NHSL1: variants seen among roughly 807,000 people sequenced by gnomAD.
The protein encoded by NHSL1 is NHS-like protein 1.
In NHSL1, 48 loss-of-function variants were observed where a neutral mutation model predicts 95.0. The observed-to-expected ratio is 0.51, with a 90% confidence interval of 0.40 to 0.64. The LOEUF is 0.64. Ranked by LOEUF, NHSL1 falls within the 30% of genes least tolerant of loss-of-function variation. The pLI is 0.00. For missense variants in NHSL1, 1,971 were observed against 2,077.7 expected (o/e 0.95, Z 1.00); for synonymous variants, 783 against 833.9 (o/e 0.94, Z 1.05).
intron 1 of NHSL1, among the ~76,000 whole-genome samples, chr6:138,657,698 C>G (rs941198600): frequency 2.6e-5 from 4 of 150,972 alleles, no homozygotes; most frequent in Admixed American, 2.0e-4. Flanking sequence ...GCCTGTGGTC[C>G]CAGCTACTCG....
At chr6:138,558,985 G>T (rs1024357737) in intron 1 of NHSL1, among the ~76,000 whole-genome samples, 1 of 151,904 alleles carries the variant, frequency 6.6e-6, no homozygotes, top group Non-Finnish European at 1.5e-5. Context: ...TAGAGTTCAG[G>T]TTACAATAAC....
At chr6:138,618,247 G>A (rs563125530) in intron 1 of NHSL1, among the ~76,000 whole-genome samples, 4 of 152,184 alleles carry the variant, frequency 2.6e-5, no homozygotes, top group African/African-American at 9.6e-5. Context: ...ATAGCTACAC[G>A]CCCAGGCCCC....
chr6:138,566,719 T>C (rs1287538575), intron 1 of NHSL1, among the ~76,000 whole-genome samples: 1 of 148,736 alleles, frequency 6.7e-6, no homozygotes, highest in Non-Finnish European at 1.5e-5. Flanking sequence ...AATTTGCAAA[T>C]AAAGACATAT....
intron 2 of NHSL1, among the ~76,000 whole-genome samples, chr6:138,488,325 C>A (rs191681401): frequency 6.6e-6 from 1 of 152,120 alleles, no homozygotes; most frequent in Non-Finnish European, 1.5e-5. Flanking sequence ...CTGACCTTCA[C>A]CTTTTGCATA....
chr6:138,559,443 G>A (rs554510907), intron 1 of NHSL1, among the ~76,000 whole-genome samples: 26 of 152,338 alleles, frequency 1.7e-4, no homozygotes, highest in African/African-American at 3.4e-4. Flanking sequence ...GACTAGGGGC[G>A]CAGAGGGGAA....
exon 1 of NHSL1, chr6:138,572,162 G>C (rs547727350): frequency 2.8e-5 from 12 of 428,598 alleles, no homozygotes; most frequent in African/African-American, 6.1e-5. Context: ...CTAGATCCGC[G>C]ATATCCACGG....
chr6:138,600,996 T>C (rs1456242484), intron 1 of NHSL1, among the ~76,000 whole-genome samples: 2 of 152,252 alleles, frequency 1.3e-5, no homozygotes, highest in African/African-American at 2.4e-5. Flanking sequence ...ATAATGATTA[T>C]GAAAGCATTA....
intron 1 of NHSL1, among the ~76,000 whole-genome samples, chr6:138,543,891 C>T (rs1266940451): frequency 1.3e-5 from 2 of 152,092 alleles, no homozygotes; most frequent in Non-Finnish European, 2.9e-5. Context: ...TAAAAGGGTG[C>T]GATTGTGGAT....
rs1783838411 is a variant in NHSL1, at chr6:138,571,528, G to A, written c.202+182C>T. On this transcript the variant is annotated intron_variant, in intron 1 of 6. Coordinates refer to the NHSL1 transcript ENST00000427025. ...TGAATGATACAAGATACAAGCTCAA[G>A]CTGAGGAAGAGCATTTTTATTTTAG... 3 of 616,576 alleles carry A rather than the reference G, an allele frequency of 4.9e-6. No homozygotes were observed. The East Asian group carries it at 8.3e-5, about 17-fold the overall frequency. The allele number at this position is 616,576 out of a possible 1,614,324, so 38.2% of individuals were successfully genotyped here.
intron 2 of NHSL1, among the ~76,000 whole-genome samples, chr6:138,474,966 T>C (rs1247086429): frequency 6.6e-6 from 1 of 152,032 alleles, no homozygotes; most frequent in East Asian, 1.9e-4. Context: ...CTGACCAACA[T>C]AGAGAAACCC....
chr6:138,499,629 C>G (rs1699878483), upstream of NHSL1: 1 of 225,428 alleles, frequency 4.4e-6, no homozygotes, highest in Non-Finnish European at 8.9e-6. Context: ...AGTGCCCATT[C>G]ATTCAGTTTT....
intron 1 of NHSL1, among the ~76,000 whole-genome samples, chr6:138,525,443 G>A (rs904344334): frequency 9.2e-5 from 14 of 151,432 alleles, no homozygotes; most frequent in African/African-American, 1.7e-4. Context: ...TGGGAAGATC[G>A]CCAGAGCCCA....
intron 3 of NHSL1, among the ~76,000 whole-genome samples, chr6:138,471,052 AG>A (rs1457462718): frequency 1.3e-5 from 2 of 152,100 alleles, no homozygotes; most frequent in African/African-American, 4.8e-5. Flanking sequence ...CCTGTTTTCT[AG>A]GGGGTGATTT....
chr6:138,607,190 C>T (rs1400713735), intron 1 of NHSL1, among the ~76,000 whole-genome samples: 1 of 152,198 alleles, frequency 6.6e-6, no homozygotes, highest in Non-Finnish European at 1.5e-5. Context: ...TCACGCCTGA[C>T]ACTCTTAAGT....
At chr6:138,662,043 C>G (rs578039616) in intron 1 of NHSL1, among the ~76,000 whole-genome samples, 22 of 152,114 alleles carry the variant, frequency 1.4e-4, no homozygotes, top group Admixed American at 1.4e-3. Context: ...CACTGCACTA[C>G]AGCCTGGACA....
intron 1 of NHSL1, among the ~76,000 whole-genome samples, chr6:138,543,544 C>T (rs1404610421): frequency 6.6e-6 from 1 of 152,186 alleles, no homozygotes; most frequent in Non-Finnish European, 1.5e-5. Flanking sequence ...AAGAAACACA[C>T]AGGAACATGA....
chr6:138,525,573 AAAT>A (rs1351081833), intron 1 of NHSL1, among the ~76,000 whole-genome samples: 9 of 150,544 alleles, frequency 6.0e-5, no homozygotes, highest in East Asian at 3.9e-4. Flanking sequence ...ATAAATAAAT[AAAT>A]AAAAAGGGAA....
Position 138,626,620 on chromosome 6 carries a change from G to A in NHSL1, c.96+65856C>T, listed in dbSNP as rs866291232. On this transcript the variant is annotated intron_variant, in intron 1 of 3. Transcript: ENST00000491526. ...TCTTAAAAAAAATTGTAGGCCGGGC[G>A]CGGTGGCTCACGCCTGTAATCCCAG... Among the ~76,000 whole-genome samples the A allele has an allele frequency of 2.0e-4, 14 of 71,390 alleles. 3 individuals are homozygous for A. The highest frequency in any genetic ancestry group is 6.8e-3 in the Middle Eastern group (1 of 148). 46.8% of individuals were successfully genotyped at this position (71,390 alleles called of 152,430 possible). A position where few individuals can be genotyped will look rare whatever the true frequency, so the allele number is the denominator to read the frequency against.
chr6:138,478,958 C>T (rs1043265497), intron 2 of NHSL1, among the ~76,000 whole-genome samples: 2 of 152,200 alleles, frequency 1.3e-5, no homozygotes, highest in African/African-American at 2.4e-5. Flanking sequence ...AGATGGTCAT[C>T]TGACTCTCAC....
Sources: gnomAD v4.1 joint callset for allele counts (sites outside exome capture counted in the v4.1 genomes callset) on GRCh38, gnomAD v4.1.1 for gene constraint, MANE v1.5 for transcripts, NCBI Gene and HGNC (gene_info 2026-07-23, HGNC 2026-07-21) for gene names.